The following ANAPC1 variants were observed in gnomAD, a reference collection of about 807,000 sequenced individuals.
ANAPC1 encodes anaphase promoting complex subunit 1.
A neutral mutation model predicts 208.0 loss-of-function variants in ANAPC1; 36 were observed. That is an observed-to-expected ratio of 0.17 (90% CI 0.13 to 0.23). ANAPC1 has a LOEUF of 0.23. Among genes scored for constraint, ANAPC1 ranks in the 10% least tolerant of loss-of-function variants. ANAPC1 has a pLI of 1.00. For missense variants in ANAPC1, 942 were observed against 2,011.6 expected, an observed-to-expected ratio of 0.47 and a Z score of 10.17; for synonymous variants, 378 against 695.2, an observed-to-expected ratio of 0.54 and a Z score of 7.18.
In ANAPC1 at chr2:111,878,761, T is replaced by C. The variant is rs1306520546; in HGVS notation, c.375+49A>G. ...TTAAATTTTAAAACAAAACTTTTTTTTAATTGCATTAAATAGTGAATCAAA... is the reference window on the plus strand; with the variant it reads ...TTAAATTTTAAAACAAAACTTTTTTCTAATTGCATTAAATAGTGAATCAAA... On this transcript the variant is annotated intron_variant, in intron 3 of 47. Coordinates refer to ENST00000341068, the MANE Select transcript of ANAPC1 (RefSeq NM_022662.4). 7 of 1,599,002 alleles carry C rather than the reference T, an allele frequency of 4.4e-6. No individual in the cohort carries two copies. The African/African-American group carries it at 8.1e-5, about 19-fold the overall frequency.
At chr2:111,857,056 AG>A (rs1681768258) in intron 11 of ANAPC1, 170 bp from the exon 12 acceptor site, 1 of 571,648 alleles carries the variant, frequency 1.7e-6, no homozygotes, top group African/African-American at 1.9e-5. Flanking sequence ...AGTGGTTACC[AG>A]GATCAGTGGG....
At chr2:111,863,555 T>C (rs1189791897) in intron 9 of ANAPC1, 120 bp downstream of exon 9, 1 of 958,800 alleles carries the variant, frequency 1.0e-6, no homozygotes, top group Non-Finnish European at 1.5e-6. Context: ...ATAATGGCTA[T>C]TTCCCCTAAA....
Position 111,794,292 on chromosome 2 carries a change from A to C in ANAPC1, c.4405T>G (p.Cys1469Gly). The C allele has an allele frequency of 2.5e-6, 4 of 1,613,220 alleles. No homozygotes were observed. Among genetic ancestry groups the C allele is most frequent in the Non-Finnish European group, 3.4e-6 (4 of 1,179,622 alleles). The change falls in exon 36 of 48, where the codon TGC (cysteine) becomes GGC (glycine). Residue 1469 changes from cysteine to glycine, a missense_variant. Physicochemically the swap from Cys to Gly is radical, Grantham distance 159. Coordinates refer to ENST00000341068, the MANE Select transcript of ANAPC1 (RefSeq NM_022662.4). Reference sequence around the variant, plus strand: ...GCAAATCGAAAACCCAGAGACAAGCAGGCTCCTGCAATTATGTAGACATGT... The same window carrying C: ...GCAAATCGAAAACCCAGAGACAAGCCGGCTCCTGCAATTATGTAGACATGT... ...QAHVYIIAGACLSLGFRFAGS... is the reference protein window; with the variant it reads ...QAHVYIIAGAGLSLGFRFAGS...
intron 21 of ANAPC1, among the ~76,000 whole-genome samples, chr2:111,829,565 A>G (rs1243327234): frequency 6.6e-6 from 1 of 152,156 alleles, no homozygotes; most frequent in African/African-American, 2.4e-5. Context: ...CAAGAAACTT[A>G]CCTTATTCAC....
At chr2:111,797,006 CTGTTTTTTG>C (rs960471008) in intron 34 of ANAPC1, among the ~76,000 whole-genome samples, 2 of 151,500 alleles carry the variant, frequency 1.3e-5, no homozygotes, top group African/African-American at 4.9e-5. Flanking sequence ...AAAACGACCA[CTGTTTTTTG>C]TGTTTTTTTG....
chr2:111,795,053 T>G, intron 34 of ANAPC1, 159 bp from the exon 35 acceptor site: 1 of 650,964 alleles, frequency 1.5e-6, no homozygotes, highest in Non-Finnish European at 2.5e-6. Flanking sequence ...TCTCATTGAA[T>G]GTAATCAAAT....
chr2:111,796,611 G>A (rs1339472204), intron 34 of ANAPC1, among the ~76,000 whole-genome samples: 7 of 148,994 alleles, frequency 4.7e-5, no homozygotes, highest in Non-Finnish European at 8.9e-5. Flanking sequence ...GATTATAGGC[G>A]TGAGTAACCG....
chr2:111,831,179 T>C (rs996446128), intron 21 of ANAPC1, 107 bp downstream of exon 21: 22 of 1,114,954 alleles, frequency 2.0e-5, no homozygotes, highest in East Asian at 1.6e-4. Flanking sequence ...ATACACGTAC[T>C]GAAATTCACA....
rs1228402497 is a variant in ANAPC1, at chr2:111,821,360, T to C, written c.3085A>G (p.Ser1029Gly). The C allele has an allele frequency of 2.1e-6, 3 of 1,400,304 alleles. No individual in the cohort carries two copies. Among genetic ancestry groups the C allele is most frequent in the Admixed American group, 1.8e-5 (1 of 55,590 alleles). 86.7% of individuals were successfully genotyped at this position (1,400,304 alleles called of 1,614,324 possible). Residue 1029 changes from serine to glycine, a missense_variant, in exon 26 of 48, where the codon AGT (serine) becomes GGT (glycine). Coordinates refer to ENST00000341068, the MANE Select transcript of ANAPC1 (RefSeq NM_022662.4). Reference protein sequence around the residue: ...MNHEVMSLIWSEDLRVQDVRR... With the variant: ...MNHEVMSLIWGEDLRVQDVRR... ...ACATCCTGCACCCTTAAATCTTCAC[T>C]CCATATTAATGACATGACCTCGTGA...
chr2:111,842,908 A>G (rs568759581), intron 17 of ANAPC1, among the ~76,000 whole-genome samples: 26 of 152,308 alleles, frequency 1.7e-4, no homozygotes, highest in African/African-American at 6.3e-4. Context: ...GCTTTATACC[A>G]TTAACAGAGT....
At chr2:111,856,583 C>T (rs1196122939) in intron 13 of ANAPC1, 31 bp downstream of exon 13, 2 of 1,589,450 alleles carry the variant, frequency 1.3e-6, no homozygotes, top group South Asian at 1.1e-5. Flanking sequence ...TGAAGTCCTA[C>T]TAAAGGCATG....
intron 3 of ANAPC1, among the ~76,000 whole-genome samples, chr2:111,874,988 G>A (rs192989538): frequency 1.4e-4 from 21 of 152,278 alleles, no homozygotes; most frequent in Admixed American, 4.6e-4. Context: ...CTGGCTACAC[G>A]TGTAACTTTT....
At chr2:111,772,270 C>A in intron 47 of ANAPC1, 71 bp downstream of exon 47, 1 of 1,611,674 alleles carries the variant, frequency 6.2e-7, no homozygotes. Flanking sequence ...GGGGCAGTAA[C>A]TACTGAGAAA....
chr2:111,834,972 C>T, intron 18 of ANAPC1, 100 bp from the exon 19 acceptor site: 1 of 1,100,426 alleles, frequency 9.1e-7, no homozygotes, highest in Non-Finnish European at 1.2e-6. Context: ...TTCATTTTCA[C>T]ATTAAGTTGA....
At chr2:111,867,528 C>T (rs1424914382) in intron 7 of ANAPC1, among the ~76,000 whole-genome samples, 1 of 150,856 alleles carries the variant, frequency 6.6e-6, no homozygotes, top group Non-Finnish European at 1.5e-5. Flanking sequence ...CCATCTCCAC[C>T]AAAAATATAA....
At position 111,772,386 on chromosome 2, in the gene ANAPC1, G is replaced by A; in HGVS notation, c.5674C>T (p.His1892Tyr). 6.2e-7 allele frequency: 1 copy of A among 1,608,540 alleles called. No homozygotes were observed. Among genetic ancestry groups the A allele is most frequent in the Non-Finnish European group, 8.5e-7 (1 of 1,177,888 alleles). Residue 1892 changes from histidine to tyrosine, a missense_variant, in exon 47 of 48, where the codon CAC (histidine) becomes TAC (tyrosine). Coordinates refer to ENST00000341068, the MANE Select transcript of ANAPC1 (RefSeq NM_022662.4). ...LSMLACFLVY[H>Y]SVPAPQHLPP... ...AGGTGCTGTGGAGCTGGCACAGAGT[G>A]GTAGACGAGGAAGCAGGCCAGCATG...
At chr2:111,877,882 C>A (rs1683101467) in intron 3 of ANAPC1, among the ~76,000 whole-genome samples, 1 of 152,098 alleles carries the variant, frequency 6.6e-6, no homozygotes, top group African/African-American at 2.4e-5. Context: ...AAATATAATT[C>A]TCTATTGCCT....
intron 21 of ANAPC1, among the ~76,000 whole-genome samples, chr2:111,826,746 C>T (rs558208255): frequency 2.0e-5 from 3 of 151,772 alleles, no homozygotes; most frequent in South Asian, 2.1e-4. Flanking sequence ...CTGCAACCTC[C>T]GCCTCCTGGG....
chr2:111,843,820 C>CTTTTTTTTTTTT (rs369036574), intron 16 of ANAPC1, among the ~76,000 whole-genome samples: 4 of 86,818 alleles, frequency 4.6e-5, no homozygotes, highest in Non-Finnish European at 6.1e-5. Context: ...CTGAAGACAG[C>CTTTTTTTTTTTT]TTTTTTTTTT....
Sources: gnomAD v4.1 joint callset for allele counts (sites outside exome capture counted in the v4.1 genomes callset) on GRCh38, gnomAD v4.1.1 for gene constraint, MANE v1.5 for transcripts, NCBI Gene and HGNC (gene_info 2026-07-23, HGNC 2026-07-21) for gene names.